The following NLGN1 variants were observed in gnomAD, a reference collection of about 807,000 sequenced individuals.
NLGN1 encodes neuroligin 1, also known as neuroligin-1.
In NLGN1, 12 loss-of-function variants were observed where a neutral mutation model predicts 65.5. The observed-to-expected ratio is 0.18, with a 90% CI of 0.12 to 0.30. The LOEUF (loss-of-function observed/expected upper bound fraction) is 0.30, where lower values mean the gene tolerates loss of function less well. Among genes scored for constraint, NLGN1 ranks in the 10% least tolerant of loss-of-function variants. NLGN1 has a pLI of 1.00. For synonymous variants in NLGN1, 350 were observed against 359.5 expected, an observed-to-expected ratio of 0.97 and a Z score of 0.30; for missense variants, 750 against 1,007.1, an observed-to-expected ratio of 0.74 and a Z score of 3.46.
chr3:174,249,392 G>A (rs73882737), intron 4 of NLGN1, among the ~76,000 whole-genome samples: 1 of 152,034 alleles, frequency 6.6e-6, no homozygotes, highest in African/African-American at 2.4e-5. Flanking sequence ...ACGTAATTAA[G>A]AGAGTTTTTT....
At chr3:173,734,485 C>G (rs182853441) in intron 3 of NLGN1, among the ~76,000 whole-genome samples, 1 of 148,290 alleles carries the variant, frequency 6.7e-6, no homozygotes, top group African/African-American at 2.5e-5. Flanking sequence ...TAGCCTCAAA[C>G]CCCTGGGCTC....
chr3:174,289,979 A>ATGTG (rs1752576375), downstream of NLGN1, among the ~76,000 whole-genome samples: 8 of 142,942 alleles, frequency 5.6e-5, no homozygotes, highest in South Asian at 2.2e-4. Context: ...GTATATATAT[A>ATGTG]TATATACATA....
chr3:173,924,322 G>A (rs546965255), intron 4 of NLGN1, among the ~76,000 whole-genome samples: 6 of 151,998 alleles, frequency 3.9e-5, no homozygotes, highest in South Asian at 4.1e-4. Flanking sequence ...TCTCTCAAAC[G>A]TGAAAAATGT....
At chr3:174,261,957 T>C (rs2152860071) in intron 4 of NLGN1, among the ~76,000 whole-genome samples, 1 of 146,404 alleles carries the variant, frequency 6.8e-6, no homozygotes. Context: ...GGTTTTTGTC[T>C]TTGGCTCTGT....
chr3:173,713,504 G>A (rs1158860759), intron 3 of NLGN1, among the ~76,000 whole-genome samples: 1 of 152,068 alleles, frequency 6.6e-6, no homozygotes, highest in Admixed American at 6.6e-5. Context: ...CAAATTTGGT[G>A]CTTAGGCCAC....
chr3:173,942,177 G>GTA lies in NLGN1; in HGVS notation c.646+134356_646+134357dup, dbSNP rs147642766. 6.0e-3 allele frequency among the ~76,000 whole-genome samples: 910 copies of GTA among 150,516 alleles called. 7 individuals are homozygous for GTA. Among genetic ancestry groups the GTA allele is most frequent in the African/African-American group, 0.02 (831 of 40,924 alleles). On this transcript the variant is annotated intron_variant, in intron 4 of 6. Transcript: ENST00000457714. ...GTGTGTATGTGTATATATAATATGT[G>GTA]TATATATATATACACATGTGCATAT... is the stretch of plus-strand genomic sequence containing the variant.
intron 4 of NLGN1, among the ~76,000 whole-genome samples, chr3:173,938,768 T>C (rs1161580647): frequency 6.6e-6 from 1 of 152,158 alleles, no homozygotes; most frequent in Non-Finnish European, 1.5e-5. Flanking sequence ...GCTTCTTATC[T>C]GATCAGCTCC....
intron 3 of NLGN1, among the ~76,000 whole-genome samples, chr3:173,652,294 G>C (rs1212486113): frequency 6.6e-6 from 1 of 152,024 alleles, no homozygotes; most frequent in Non-Finnish European, 1.5e-5. Flanking sequence ...GTTTATTTTT[G>C]GTTTTGTTGC....
At chr3:173,835,206 T>C (rs769463670) in intron 4 of NLGN1, among the ~76,000 whole-genome samples, 5 of 152,208 alleles carry the variant, frequency 3.3e-5, no homozygotes, top group Non-Finnish European at 7.3e-5. Flanking sequence ...AATTTATTAT[T>C]TTGCTTTAAA....
chr3:173,615,646 C>A (rs774701070), intron 3 of NLGN1, among the ~76,000 whole-genome samples: 1 of 151,884 alleles, frequency 6.6e-6, no homozygotes, highest in Non-Finnish European at 1.5e-5. Flanking sequence ...TAAAACACAT[C>A]AGGCATAACC....
chr3:173,777,030 C>G (rs1780400375), intron 3 of NLGN1, among the ~76,000 whole-genome samples: 1 of 151,904 alleles, frequency 6.6e-6, no homozygotes, highest in African/African-American at 2.4e-5. Flanking sequence ...ATTAAAATCT[C>G]AAGCTCTATA....
At chr3:173,899,821 A>C (rs547755171) in intron 4 of NLGN1, among the ~76,000 whole-genome samples, 1 of 152,184 alleles carries the variant, frequency 6.6e-6, no homozygotes, top group South Asian at 2.1e-4. Flanking sequence ...ACTGAATGAC[A>C]CTTATTTTTA....
chr3:173,413,631 C>G (rs899564479), intron 1 of NLGN1, among the ~76,000 whole-genome samples: 1 of 151,912 alleles, frequency 6.6e-6, no homozygotes, highest in Non-Finnish European at 1.5e-5. Context: ...TAAATAAAAA[C>G]TTCTTAGTCT....
chr3:174,196,157 A>G (rs1733373276), intron 4 of NLGN1, among the ~76,000 whole-genome samples: 1 of 152,232 alleles, frequency 6.6e-6, no homozygotes, highest in Admixed American at 6.5e-5. Context: ...CTTAACAAGC[A>G]TAATTTTATT....
intron 1 of NLGN1, among the ~76,000 whole-genome samples, chr3:173,434,750 C>G (rs1243918009): frequency 6.6e-6 from 1 of 152,120 alleles, no homozygotes; most frequent in Admixed American, 6.5e-5. Flanking sequence ...AGTTATTTAT[C>G]CAATTTTCAG....
intron 4 of NLGN1, among the ~76,000 whole-genome samples, chr3:174,077,984 G>A (rs1007133519): frequency 6.6e-6 from 1 of 152,022 alleles, no homozygotes; most frequent in Non-Finnish European, 1.5e-5. Context: ...TGGGAGGTGG[G>A]GGAACAAAAT....
chr3:173,946,312 G>T (rs934865188), intron 4 of NLGN1, among the ~76,000 whole-genome samples: 2 of 151,992 alleles, frequency 1.3e-5, no homozygotes, highest in African/African-American at 4.8e-5. Context: ...ATTTGTGTTT[G>T]GTTGTGTGTG....
At chr3:174,293,469 A>G in the NLGN1 span, among the ~76,000 whole-genome samples, 1 of 151,626 alleles carries the variant, frequency 6.6e-6, no homozygotes, top group Non-Finnish European at 1.5e-5. Context: ...GATGAAAAAA[A>G]CACCTGTGAA....
chr3:173,959,048 A>G (rs1284260628), intron 4 of NLGN1, among the ~76,000 whole-genome samples: 2 of 152,202 alleles, frequency 1.3e-5, no homozygotes, highest in African/African-American at 2.4e-5. Context: ...CTGCAAGGGA[A>G]GGGGGCACCT....
Sources: gnomAD v4.1 joint callset for allele counts (sites outside exome capture counted in the v4.1 genomes callset) on GRCh38, gnomAD v4.1.1 for gene constraint, MANE v1.5 for transcripts, NCBI Gene and HGNC (gene_info 2026-07-23, HGNC 2026-07-21) for gene names.